The following ERBB4 variants were observed in gnomAD, a reference collection of about 807,000 sequenced individuals.
The protein encoded by ERBB4 is erb-b2 receptor tyrosine kinase 4.
Under a neutral mutation model 158.0 loss-of-function variants are expected in ERBB4, and 42 were observed. The observed-to-expected ratio is 0.27, with a 90% CI of 0.21 to 0.34. ERBB4 has a LOEUF of 0.34. ERBB4 is among the 10% of genes least tolerant of loss of function. ERBB4 has a pLI of 1.00. For synonymous variants in ERBB4, 583 were observed against 558.7 expected, an observed-to-expected ratio of 1.04 and a Z score of -0.61; for missense variants, 1,333 against 1,624.1, an observed-to-expected ratio of 0.82 and a Z score of 3.08.
At chr2:212,513,845 A>C (rs1463334142) in intron 1 of ERBB4, among the ~76,000 whole-genome samples, 1 of 152,096 alleles carries the variant, frequency 6.6e-6, no homozygotes, top group Non-Finnish European at 1.5e-5. Flanking sequence ...AAAAAGAACA[A>C]TTTAAGTTTT....
intron 1 of ERBB4, among the ~76,000 whole-genome samples, chr2:212,450,147 G>A (rs191742921): frequency 2.6e-5 from 4 of 152,248 alleles, no homozygotes; most frequent in Admixed American, 1.3e-4. Context: ...CACAACAGAA[G>A]AAGAACAATG....
intron 17 of ERBB4, among the ~76,000 whole-genome samples, chr2:211,629,645 T>C (rs2070022061): frequency 6.6e-6 from 1 of 152,162 alleles, no homozygotes; most frequent in East Asian, 1.9e-4. Context: ...GACTTCAAAC[T>C]ACACTACAAG....
intron 1 of ERBB4, among the ~76,000 whole-genome samples, chr2:212,301,091 C>A (rs2086602000): frequency 6.7e-6 from 1 of 148,638 alleles, no homozygotes; most frequent in Non-Finnish European, 1.5e-5. Flanking sequence ...TTGGCTGGAT[C>A]ATTATTGTTA....
rs576357588 is a variant in ERBB4, at chr2:211,851,573, A to G, written c.422-63414T>C. On this transcript the variant is annotated intron_variant, in intron 3 of 27. Coordinates refer to ENST00000342788, the MANE Select transcript of ERBB4 (RefSeq NM_005235.3). ...GCACAAGTTCTAAAATATGGTAACA[A>G]ACATATGTAAGTTGAAGAGCATATT... is the stretch of plus-strand genomic sequence containing the variant. Among the ~76,000 whole-genome samples the G allele has an allele frequency of 2.0e-5, 3 of 152,058 alleles. No homozygotes were observed. The South Asian group carries it at 6.2e-4, about 31-fold the overall frequency.
At chr2:212,530,218 A>T (rs1429475447) in intron 1 of ERBB4, among the ~76,000 whole-genome samples, 4 of 152,194 alleles carry the variant, frequency 2.6e-5, no homozygotes, top group African/African-American at 7.2e-5. Context: ...GATGATGCTT[A>T]TAAAAATCTT....
intron 1 of ERBB4, among the ~76,000 whole-genome samples, chr2:212,286,460 C>G (rs1363753566): frequency 6.6e-6 from 1 of 151,964 alleles, no homozygotes; most frequent in Non-Finnish European, 1.5e-5. Context: ...TGTGTTATAT[C>G]TGGACACAAT....
At chr2:212,241,298 T>C (rs1164237814) in intron 1 of ERBB4, among the ~76,000 whole-genome samples, 1 of 151,950 alleles carries the variant, frequency 6.6e-6, no homozygotes, top group Non-Finnish European at 1.5e-5. Context: ...TTTAAAACCA[T>C]TCAAACAGTA....
chr2:212,115,076 TA>T (rs1485884680), intron 2 of ERBB4, among the ~76,000 whole-genome samples: 1 of 152,228 alleles, frequency 6.6e-6, no homozygotes, highest in Non-Finnish European at 1.5e-5. Context: ...AATTTAATGA[TA>T]ATGATTTTGA....
In ERBB4 at chr2:212,387,264, T is replaced by C. The variant is rs565497042; in HGVS notation, c.82+151185A>G. ...TATAAATAAACCCTTAGCCTTTTGC[T>C]GAATTTTAGCTAATATCAAGCATAG... On this transcript the variant is annotated intron_variant, in intron 1 of 27. Transcript: ENST00000342788. Among the ~76,000 whole-genome samples, 113 of 152,218 alleles carry C rather than the reference T, an allele frequency of 7.4e-4. No homozygotes were observed. The South Asian group carries it at 7.5e-3, about 10-fold the overall frequency.
chr2:211,824,682 T>C (rs942136408), intron 3 of ERBB4, among the ~76,000 whole-genome samples: 3 of 149,780 alleles, frequency 2.0e-5, no homozygotes, highest in African/African-American at 7.4e-5. Context: ...AGAAATGAAC[T>C]TGACAATGAT....
chr2:212,253,193 C>T (rs2084605122), intron 1 of ERBB4, among the ~76,000 whole-genome samples: 2 of 152,122 alleles, frequency 1.3e-5, no homozygotes, highest in Non-Finnish European at 2.9e-5. Flanking sequence ...GGCTCCTTGA[C>T]TAACATGTTC....
At chr2:212,352,138 G>A (rs1053702162) in intron 1 of ERBB4, among the ~76,000 whole-genome samples, 3 of 151,866 alleles carry the variant, frequency 2.0e-5, no homozygotes, top group Non-Finnish European at 2.9e-5. Context: ...GACAAAAAGA[G>A]GAAGACAACA....
intron 20 of ERBB4, among the ~76,000 whole-genome samples, chr2:211,533,082 T>C (rs1441746635): frequency 6.6e-6 from 1 of 151,802 alleles, no homozygotes; most frequent in East Asian, 1.9e-4. Flanking sequence ...ATCATGTAGA[T>C]ATTTCTATAC....
At chr2:212,393,070 T>C (rs767119678) in intron 1 of ERBB4, among the ~76,000 whole-genome samples, 5 of 152,034 alleles carry the variant, frequency 3.3e-5, no homozygotes, top group Non-Finnish European at 7.4e-5. Flanking sequence ...TCAAATCCCT[T>C]GCATTTTCTT....
intron 19 of ERBB4, among the ~76,000 whole-genome samples, chr2:211,577,560 C>T (rs2067928721): frequency 6.6e-6 from 1 of 151,928 alleles, no homozygotes; most frequent in Non-Finnish European, 1.5e-5. Flanking sequence ...AAAAAATTCT[C>T]AATAAATTCC....
At chr2:211,681,024 C>T (rs551292406) in intron 12 of ERBB4, among the ~76,000 whole-genome samples, 1 of 152,124 alleles carries the variant, frequency 6.6e-6, no homozygotes, top group Non-Finnish European at 1.5e-5. Flanking sequence ...CACCATCCTC[C>T]TTAGACAATT....
chr2:211,448,067 G>C (rs1358608047), intron 20 of ERBB4, among the ~76,000 whole-genome samples: 1 of 152,066 alleles, frequency 6.6e-6, no homozygotes, highest in Non-Finnish European at 1.5e-5. Context: ...CTGCCTCCTA[G>C]GTTCAAGTGA....
intron 1 of ERBB4, among the ~76,000 whole-genome samples, chr2:212,189,058 A>G (rs1343851109): frequency 8.8e-6 from 1 of 113,306 alleles, no homozygotes; most frequent in Admixed American, 1.1e-4. Context: ...GACTGGAAGT[A>G]TTTCAGATTT....
chr2:211,529,199 A>T, intron 20 of ERBB4, among the ~76,000 whole-genome samples: 1 of 151,974 alleles, frequency 6.6e-6, no homozygotes. Context: ...CTGACATTCA[A>T]GAGATCACTA....
Sources: allele counts gnomAD v4.1 joint callset (sites outside exome capture counted in the v4.1 genomes callset), GRCh38; gene constraint gnomAD v4.1.1; transcripts MANE v1.5; gene names NCBI Gene and HGNC (gene_info 2026-07-23, HGNC 2026-07-21).